Variants in XRRA1 observed in about 807,000 individuals in gnomAD.
XRRA1 encodes the protein X-ray radiation resistance-associated protein 1.
Under a neutral mutation model 80.2 loss-of-function variants are expected in XRRA1, and 69 were observed. The observed-to-expected ratio is 0.86, with a 90% CI of 0.71 to 1.05. XRRA1 has a LOEUF of 1.05. Among genes scored for constraint, XRRA1 ranks in the 50% least tolerant of loss-of-function variants. XRRA1 has a pLI of 0.00. For missense variants in XRRA1, 967 were observed against 976.4 expected, an observed-to-expected ratio of 0.99 and a Z score of 0.13; for synonymous variants, 348 against 389.9, an observed-to-expected ratio of 0.89 and a Z score of 1.27.
chr11:74,876,582 C>T (rs1239221765), intron 10 of XRRA1: 1 of 152,068 alleles, frequency 6.6e-6, no homozygotes, highest in Non-Finnish European at 1.5e-5. Context: ...TGTCTCCCTA[C>T]CTAAGCCCAA....
At chr11:74,940,532 G>C (rs1946114543) in intron 3 of XRRA1, among the ~76,000 whole-genome samples, 1 of 152,260 alleles carries the variant, frequency 6.6e-6, no homozygotes, top group Admixed American at 6.5e-5. Flanking sequence ...CAGAGGATAA[G>C]AGCAGGTTAA....
chr11:74,897,399 G>A (rs2052580271), intron 10 of XRRA1, among the ~76,000 whole-genome samples: 1 of 151,968 alleles, frequency 6.6e-6, no homozygotes, highest in African/African-American at 2.4e-5. Flanking sequence ...CAAATCTAAT[G>A]GCCTTAAAGA....
At chr11:74,846,083 G>A (rs1327073918) in intron 15 of XRRA1, 1 of 152,146 alleles carries the variant, frequency 6.6e-6, no homozygotes, top group Non-Finnish European at 1.5e-5. Context: ...GGTTGCCTAA[G>A]GAGAGATGAA....
Position 74,845,277 on chromosome 11 carries a change from C to T in XRRA1, c.1729-6G>A. The T allele has an allele frequency of 6.2e-7, 1 of 1,607,584 alleles. No individual in the cohort carries two copies. Among genetic ancestry groups the T allele is most frequent in the Non-Finnish European group, 8.5e-7 (1 of 1,176,290 alleles). On this transcript the variant is annotated splice_polypyrimidine_tract_variant and splice_region_variant and intron_variant, in intron 15 of 18. Transcript: ENST00000684022. ...GAGGAAGGCAGTTCACTCACCTGTG[C>T]CCAGGAAGAAAACGCATTCATTTGT...
At chr11:74,862,000 G>A (rs576051719) in intron 11 of XRRA1, among the ~76,000 whole-genome samples, 11 of 152,252 alleles carry the variant, frequency 7.2e-5, no homozygotes, top group Non-Finnish European at 1.2e-4. Flanking sequence ...TAGTACAGCA[G>A]TATAATACGG....
At chr11:74,851,711 C>T (rs1418081823) in intron 13 of XRRA1, among the ~76,000 whole-genome samples, 1 of 152,236 alleles carries the variant, frequency 6.6e-6, no homozygotes, top group Non-Finnish European at 1.5e-5. Flanking sequence ...CCATTCCCAA[C>T]TCAGACTCTT....
chr11:74,935,422 G>T (rs1012176061), intron 4 of XRRA1, among the ~76,000 whole-genome samples: 9 of 152,200 alleles, frequency 5.9e-5, no homozygotes, highest in African/African-American at 2.2e-4. Flanking sequence ...TGAAATAAAA[G>T]CATCCTAATT....
intron 10 of XRRA1, among the ~76,000 whole-genome samples, chr11:74,875,475 A>C (rs1415864199): frequency 6.6e-6 from 1 of 152,210 alleles, no homozygotes; most frequent in South Asian, 2.1e-4. Context: ...TCCTTCATCA[A>C]GCTTTTCACT....
intron 10 of XRRA1, among the ~76,000 whole-genome samples, chr11:74,884,957 C>T (rs2048666774): frequency 6.6e-6 from 1 of 152,008 alleles, no homozygotes; most frequent in South Asian, 2.1e-4. Flanking sequence ...AATTTAGATG[C>T]AAAAAACTAT....
rs1942573470 is a variant in XRRA1, at chr11:74,927,584, G to C, written c.425-96C>G. On this transcript the variant is annotated intron_variant, in intron 6 of 18. Transcript: ENST00000684022. ...ATTTACTGTGTCCCTACTGGGTTAG[G>C]CCAGGCACTGTATAAGGTACTTTAC... 3 of 809,754 alleles carry C rather than the reference G, an allele frequency of 3.7e-6. No homozygotes were observed. In the Admixed American group the frequency reaches 6.6e-5, roughly 18 times the overall value. The allele number at this position is 809,754 out of a possible 1,614,324, so 50.2% of individuals were successfully genotyped here. A position where few individuals can be genotyped will look rare whatever the true frequency, so the allele number is the denominator to read the frequency against.
intron 10 of XRRA1, among the ~76,000 whole-genome samples, chr11:74,887,928 C>T (rs944843157): frequency 5.3e-5 from 8 of 152,304 alleles, no homozygotes; most frequent in East Asian, 3.9e-4. Flanking sequence ...AGCCAGGAAG[C>T]TCGAACTGGG....
At chr11:74,889,068 T>C (rs1174691178) in intron 10 of XRRA1, among the ~76,000 whole-genome samples, 1 of 151,988 alleles carries the variant, frequency 6.6e-6, no homozygotes, top group Non-Finnish European at 1.5e-5. Context: ...ACAAAGATAC[T>C]CCTCGAGAAG....
chr11:74,936,256 C>T (rs1189371783), intron 4 of XRRA1, among the ~76,000 whole-genome samples: 3 of 152,238 alleles, frequency 2.0e-5, no homozygotes, highest in Non-Finnish European at 2.9e-5. Context: ...TCCAACACAG[C>T]CACCCCAGTC....
intron 11 of XRRA1, among the ~76,000 whole-genome samples, chr11:74,862,095 T>G (rs2042428008): frequency 6.6e-6 from 1 of 152,156 alleles, no homozygotes; most frequent in South Asian, 2.1e-4. Flanking sequence ...CTTGCTCTCT[T>G]GAAACCCTGA....
intron 10 of XRRA1, among the ~76,000 whole-genome samples, chr11:74,879,784 T>C (rs1479287843): frequency 1.5e-4 from 22 of 148,742 alleles, no homozygotes; most frequent in South Asian, 4.3e-4. Flanking sequence ...TTTGCGTATA[T>C]TGAACCAGCC....
In XRRA1 at chr11:74,853,643, C is replaced by G. The variant is rs190077139; in HGVS notation, c.1171-1561G>C. 2.0e-5 allele frequency among the ~76,000 whole-genome samples: 3 copies of G among 152,278 alleles called. No homozygotes were observed. In the East Asian group the frequency reaches 5.8e-4, roughly 29 times the overall value. ...AAGGCCACCTGCCAACCAGGAATAT[C>G]CAAGATGGACTTTGTAAAAGCAAGA... On this transcript the variant is annotated intron_variant, in intron 12 of 18. Coordinates refer to ENST00000684022, the MANE Select transcript of XRRA1 (RefSeq NM_001378157.1).
At chr11:74,927,884 A>C (rs539211375) in intron 6 of XRRA1, among the ~76,000 whole-genome samples, 58 of 152,366 alleles carry the variant, frequency 3.8e-4, no homozygotes, top group African/African-American at 1.4e-3. Context: ...ACATCCAGAG[A>C]CAAGTATTAA....
intron 10 of XRRA1, among the ~76,000 whole-genome samples, chr11:74,887,591 A>T (rs1334868464): frequency 6.6e-6 from 1 of 152,186 alleles, no homozygotes; most frequent in Admixed American, 6.5e-5. Context: ...CAGTGGGTGC[A>T]GCGCACCGAG....
At chr11:74,943,519 AGGAG>A (rs1328834684) in intron 2 of XRRA1, among the ~76,000 whole-genome samples, 6 of 69,370 alleles carry the variant, frequency 8.6e-5, no homozygotes, top group African/African-American at 3.4e-4. Flanking sequence ...GGAAGAGAGT[AGGAG>A]GGTGTGTGTG....
Sources: allele counts gnomAD v4.1 joint callset (sites outside exome capture counted in the v4.1 genomes callset), GRCh38; gene constraint gnomAD v4.1.1; transcripts MANE v1.5; gene names NCBI Gene and HGNC (gene_info 2026-07-23, HGNC 2026-07-21).